GRM7: variants seen among roughly 807,000 people sequenced by gnomAD.
The protein encoded by GRM7 is metabotropic glutamate receptor 7.
In GRM7, 35 loss-of-function variants were observed where a neutral mutation model predicts 84.5. That is an observed-to-expected ratio of 0.41 (90% CI 0.32 to 0.55). The LOEUF (loss-of-function observed/expected upper bound fraction) is 0.55. Among genes scored for constraint, GRM7 ranks in the 20% least tolerant of loss-of-function variants. The pLI is 0.19. For missense variants in GRM7, 1,003 were observed against 1,194.6 expected (o/e 0.84, Z 2.36); for synonymous variants, 487 against 455.1 (o/e 1.07, Z -0.89).
chr3:7,457,714 T>C (rs1392810401), intron 6 of GRM7, among the ~76,000 whole-genome samples: 1 of 152,280 alleles, frequency 6.6e-6, no homozygotes, highest in Non-Finnish European at 1.5e-5. Flanking sequence ...AGGCAAAATG[T>C]TTTTGTCTAG....
chr3:7,307,012 C>A (rs566250509), intron 4 of GRM7, among the ~76,000 whole-genome samples: 1 of 152,196 alleles, frequency 6.6e-6, no homozygotes, highest in African/African-American at 2.4e-5. Flanking sequence ...CACTTTGTAA[C>A]GCATCCATTA....
At chr3:7,019,197 A>G (rs1248348546) in intron 1 of GRM7, among the ~76,000 whole-genome samples, 9 of 152,224 alleles carry the variant, frequency 5.9e-5, no homozygotes, top group Non-Finnish European at 1.2e-4. Context: ...TTTACTTTTG[A>G]GAGCAATGTA....
At chr3:7,539,386 C>G (rs1444362403) in intron 7 of GRM7, among the ~76,000 whole-genome samples, 1 of 151,980 alleles carries the variant, frequency 6.6e-6, no homozygotes. Flanking sequence ...TCTTTAAAAC[C>G]AATCTCTCAG....
chr3:7,319,517 T>C (rs1700697307), intron 4 of GRM7, among the ~76,000 whole-genome samples: 1 of 152,058 alleles, frequency 6.6e-6, no homozygotes, highest in South Asian at 2.1e-4. Flanking sequence ...TAGCATTTGA[T>C]ATCAACCTAG....
chr3:7,579,942 C>T (rs984202018), intron 8 of GRM7, among the ~76,000 whole-genome samples: 1 of 152,188 alleles, frequency 6.6e-6, no homozygotes, highest in African/African-American at 2.4e-5. Flanking sequence ...CTCCCTACAA[C>T]TAGATGGACA....
intron 7 of GRM7, among the ~76,000 whole-genome samples, chr3:7,491,711 G>A (rs372116780): frequency 3.4e-4 from 52 of 152,286 alleles, no homozygotes; most frequent in African/African-American, 1.3e-3. Flanking sequence ...CTGTACGTCC[G>A]TAGGCAAATC....
intron 4 of GRM7, among the ~76,000 whole-genome samples, chr3:7,333,736 A>C (rs1701299403): frequency 6.6e-6 from 1 of 152,096 alleles, no homozygotes; most frequent in Non-Finnish European, 1.5e-5. Flanking sequence ...TGGATGAAAA[A>C]GTCTCCAGAG....
chr3:7,398,557 A>AT (rs1426344504), intron 4 of GRM7, among the ~76,000 whole-genome samples: 1 of 152,032 alleles, frequency 6.6e-6, no homozygotes, highest in African/African-American at 2.4e-5. Context: ...GTATGGAAAA[A>AT]TTTTAAAGGC....
At chr3:7,078,410 G>T (rs1698167726) in intron 1 of GRM7, among the ~76,000 whole-genome samples, 1 of 152,168 alleles carries the variant, frequency 6.6e-6, no homozygotes, top group African/African-American at 2.4e-5. Context: ...TGCTGCTGCT[G>T]CTGATGATGA....
At chr3:7,730,469 T>A (rs1157358917) in intron 9 of GRM7, among the ~76,000 whole-genome samples, 2 of 152,218 alleles carry the variant, frequency 1.3e-5, no homozygotes, top group African/African-American at 4.8e-5. Context: ...CATGTTGAAT[T>A]GTACTGAACC....
At chr3:7,173,258 G>A (rs11131064) in intron 2 of GRM7, among the ~76,000 whole-genome samples, 49,408 of 151,972 alleles carry the variant, frequency 0.33, 9,865 homozygotes, top group East Asian at 0.6. Flanking sequence ...AAGTTCTCTC[G>A]TCTTTACTAC....
At chr3:7,295,272 T>C (rs1382745593) in intron 2 of GRM7, among the ~76,000 whole-genome samples, 1 of 152,210 alleles carries the variant, frequency 6.6e-6, no homozygotes, top group African/African-American at 2.4e-5. Flanking sequence ...TTGAGTTCCT[T>C]TGCATGTTAG....
chr3:7,312,767 A>G (rs971421739), intron 4 of GRM7, among the ~76,000 whole-genome samples: 1 of 149,058 alleles, frequency 6.7e-6, no homozygotes. Flanking sequence ...CCTCCCTTAG[A>G]AAAAAAAAAT....
chr3:7,377,456 GGA>G (rs1694400085), intron 4 of GRM7, among the ~76,000 whole-genome samples: 1 of 152,204 alleles, frequency 6.6e-6, no homozygotes, highest in Admixed American at 6.5e-5. Context: ...GACAGCGTCT[GGA>G]ATCAATAGTG....
chr3:7,596,361 A>G (rs973621227), intron 8 of GRM7, among the ~76,000 whole-genome samples: 1 of 152,176 alleles, frequency 6.6e-6, no homozygotes, highest in Admixed American at 6.5e-5. Flanking sequence ...TGAATACACA[A>G]TTCTGGAATT....
chr3:6,979,177 G>A (rs1468245921), intron 1 of GRM7, among the ~76,000 whole-genome samples: 4 of 152,026 alleles, frequency 2.6e-5, no homozygotes, highest in African/African-American at 9.7e-5. Context: ...TAGCTTCCAC[G>A]AATTCTCTCT....
intron 9 of GRM7, among the ~76,000 whole-genome samples, chr3:7,723,803 G>C (rs898691919): frequency 2.0e-5 from 3 of 151,872 alleles, no homozygotes; most frequent in Non-Finnish European, 2.9e-5. Flanking sequence ...GCTATAATTG[G>C]GCCACTGCAC....
rs78696017 is a variant in GRM7 at position 7,630,069 on chromosome 3, G to A, written c.2452-49980G>A. ...GCAAGTTACATTGTTAGTAAAATCC[G>A]ACATCTAAAATTTAGCCTGAGGCTC... On this transcript the variant is annotated intron_variant, in intron 8 of 9. Transcript: ENST00000357716. Among the ~76,000 whole-genome samples, 17 of 152,252 alleles carry A rather than the reference G, an allele frequency of 1.1e-4. 2 individuals carry two copies. In the East Asian group the frequency reaches 1.7e-3, roughly 16 times the overall value.
intron 7 of GRM7, among the ~76,000 whole-genome samples, chr3:7,563,652 C>T (rs1463611934): frequency 6.6e-6 from 1 of 152,134 alleles, no homozygotes; most frequent in Non-Finnish European, 1.5e-5. Context: ...TAAAGGGAAG[C>T]CCAATCACTG....
Sources: allele counts gnomAD v4.1 joint callset (sites outside exome capture counted in the v4.1 genomes callset), GRCh38; gene constraint gnomAD v4.1.1; transcripts MANE v1.5; gene names NCBI Gene and HGNC (gene_info 2026-07-23, HGNC 2026-07-21).